The following CPA6 variants were observed in gnomAD, a reference collection of about 807,000 sequenced individuals.
CPA6 encodes carboxypeptidase B.
In CPA6, 58 loss-of-function variants were observed where a neutral mutation model predicts 63.3. The ratio of observed to expected loss-of-function variants is 0.92; its 90% CI spans 0.74 to 1.14. CPA6 has a LOEUF of 1.14. Among genes scored for constraint, CPA6 ranks in the 50% most tolerant of loss-of-function variants. The probability of loss-of-function intolerance (pLI) is 0.00; values close to 1 mark genes in which losing one functional copy is unlikely to be tolerated. For missense variants in CPA6, 565 were observed against 526.6 expected, an observed-to-expected ratio of 1.07 and a Z score of -0.71; for synonymous variants, 185 against 179.0, an observed-to-expected ratio of 1.03 and a Z score of -0.27.
chr8:67,468,069 C>T (rs896745291), intron 8 of CPA6, among the ~76,000 whole-genome samples: 20 of 151,624 alleles, frequency 1.3e-4, no homozygotes, highest in Middle Eastern at 6.3e-3. Context: ...AACAAACAAA[C>T]AAATAACCCC....
intron 8 of CPA6, among the ~76,000 whole-genome samples, chr8:67,462,717 A>G (rs1193435477): frequency 4.6e-5 from 7 of 152,234 alleles, no homozygotes; most frequent in Middle Eastern, 3.2e-3. Flanking sequence ...AAGAGTATCA[A>G]TACGTCCAAG....
chr8:67,659,794 C>T (rs1816068326), intron 1 of CPA6, among the ~76,000 whole-genome samples: 1 of 152,196 alleles, frequency 6.6e-6, no homozygotes, highest in Non-Finnish European at 1.5e-5. Flanking sequence ...TATATTTTCA[C>T]ATTTATCATA....
rs566330781 is a variant in CPA6, at chr8:67,713,893, C to T, written c.116+32121G>A. Among the ~76,000 whole-genome samples, 3 of 152,280 alleles carry T rather than the reference C, an allele frequency of 2.0e-5. No individual in the cohort carries two copies. The East Asian group carries it at 5.8e-4, about 29-fold the overall frequency. ...GCTGCATTCAATTGCTATTTACTTT[C>T]TGCTTTTCTTTCTTAGCACAGGGAC... On this transcript the variant is annotated intron_variant, in intron 1 of 10. Transcript: ENST00000297770.
At chr8:67,678,962 CAGAA>C (rs1036133102) in intron 1 of CPA6, among the ~76,000 whole-genome samples, 1 of 152,108 alleles carries the variant, frequency 6.6e-6, no homozygotes, top group African/African-American at 2.4e-5. Context: ...AAAACTCAGA[CAGAA>C]AGAGTTTGTT....
In CPA6 at chr8:67,438,176, C is replaced by T. The variant is rs973668695; in HGVS notation, c.839-3936G>A. Among the ~76,000 whole-genome samples the T allele has an allele frequency of 4.6e-5, 7 of 152,100 alleles. 1 individual carries two copies. The East Asian group carries it at 9.7e-4, about 21-fold the overall frequency. ...CAAGTGATCTGCCCGCCTTGGCCTC[C>T]GAAAGTGCTGGGATTACAGGCATGG... On this transcript the variant is annotated intron_variant, in intron 8 of 10. Transcript: ENST00000297770.
intron 2 of CPA6, among the ~76,000 whole-genome samples, chr8:67,600,427 CA>C: frequency 6.6e-6 from 1 of 152,126 alleles, no homozygotes; most frequent in Non-Finnish European, 1.5e-5. Flanking sequence ...AGAAATAGTT[CA>C]AAAGATCTAT....
At chr8:67,478,200 C>T (rs11779485) in intron 8 of CPA6, among the ~76,000 whole-genome samples, 94 of 151,690 alleles carry the variant, frequency 6.2e-4, no homozygotes, top group Non-Finnish European at 8.8e-4. Context: ...AACTGGATTC[C>T]GAGAGCTCCG....
At chr8:67,736,360 G>A (rs1346482504) in intron 1 of CPA6, among the ~76,000 whole-genome samples, 2 of 152,118 alleles carry the variant, frequency 1.3e-5, no homozygotes, top group African/African-American at 2.4e-5. Flanking sequence ...TCCTTTCACT[G>A]CTAATTTTCT....
At chr8:67,450,289 A>C (rs909388987) in intron 8 of CPA6, among the ~76,000 whole-genome samples, 5 of 152,234 alleles carry the variant, frequency 3.3e-5, no homozygotes, top group African/African-American at 9.6e-5. Context: ...CATATTTGGA[A>C]TAACAAGTAA....
chr8:67,423,328 T>C (rs955100324), intron 10 of CPA6, among the ~76,000 whole-genome samples: 5 of 152,188 alleles, frequency 3.3e-5, no homozygotes, highest in Non-Finnish European at 7.3e-5. Context: ...CAACTGATCC[T>C]CCCGCCTTGG....
intron 1 of CPA6, among the ~76,000 whole-genome samples, chr8:67,672,422 G>A (rs943592671): frequency 2.6e-5 from 4 of 151,764 alleles, no homozygotes; most frequent in African/African-American, 9.7e-5. Context: ...TTTTCCCCTT[G>A]TTTCACTAAA....
intron 9 of CPA6, among the ~76,000 whole-genome samples, chr8:67,432,102 T>G (rs1810040053): frequency 6.6e-6 from 1 of 152,206 alleles, no homozygotes; most frequent in African/African-American, 2.4e-5. Flanking sequence ...TGGATGGTAA[T>G]GAGATGACTT....
chr8:67,581,577 G>A (rs1447535090), intron 2 of CPA6, among the ~76,000 whole-genome samples: 9 of 152,160 alleles, frequency 5.9e-5, no homozygotes, highest in East Asian at 1.9e-4. Flanking sequence ...TACTACAAGA[G>A]CATCTTCATT....
chr8:67,432,402 C>T (rs1810047574), intron 9 of CPA6, among the ~76,000 whole-genome samples: 1 of 152,118 alleles, frequency 6.6e-6, no homozygotes, highest in Non-Finnish European at 1.5e-5. Context: ...GCCCTGAGCC[C>T]CTTCCCCCAT....
intron 1 of CPA6, among the ~76,000 whole-genome samples, chr8:67,673,230 T>C (rs889978919): frequency 1.3e-5 from 2 of 152,100 alleles, no homozygotes; most frequent in Admixed American, 1.3e-4. Context: ...TCATTCAAAC[T>C]ACATCCTGAA....
At chr8:67,449,226 T>C (rs1810501094) in intron 8 of CPA6, among the ~76,000 whole-genome samples, 1 of 152,202 alleles carries the variant, frequency 6.6e-6, no homozygotes, top group South Asian at 2.1e-4. Flanking sequence ...CACTCCAGCC[T>C]GGGTGACACA....
chr8:67,423,981 A>G (rs1809826860), intron 10 of CPA6, among the ~76,000 whole-genome samples: 1 of 152,164 alleles, frequency 6.6e-6, no homozygotes, highest in Non-Finnish European at 1.5e-5. Flanking sequence ...TATCGCTTGC[A>G]TTACTGCCTG....
chr8:67,591,953 C>T (rs553144087), intron 2 of CPA6, among the ~76,000 whole-genome samples: 2 of 152,276 alleles, frequency 1.3e-5, no homozygotes, highest in African/African-American at 4.8e-5. Context: ...GAGGGCATCC[C>T]TGTCTTGTGC....
At chr8:67,519,083 G>A (rs1812208758) in intron 2 of CPA6, among the ~76,000 whole-genome samples, 1 of 152,154 alleles carries the variant, frequency 6.6e-6, no homozygotes, top group African/African-American at 2.4e-5. Context: ...GCCACTCAGT[G>A]TTTGTTGCAA....
Sources: allele counts gnomAD v4.1 joint callset (sites outside exome capture counted in the v4.1 genomes callset), GRCh38; gene constraint gnomAD v4.1.1; transcripts MANE v1.5; gene names NCBI Gene and HGNC (gene_info 2026-07-23, HGNC 2026-07-21).